Variants in ADGRB3 observed in about 807,000 individuals in gnomAD.
The protein encoded by ADGRB3 is adhesion G protein-coupled receptor B3, also known as brain-specific angiogenesis inhibitor 3.
Under a neutral mutation model 193.4 loss-of-function variants are expected in ADGRB3, and 37 were observed. The observed-to-expected ratio is 0.19, with a 90% CI of 0.15 to 0.25. The LOEUF (loss-of-function observed/expected upper bound fraction) is 0.25. ADGRB3 is among the 10% of genes least tolerant of loss of function. The pLI, the probability that ADGRB3 is intolerant of heterozygous loss-of-function variation, is 1.00. For missense variants in ADGRB3, 1,637 were observed against 1,852.9 expected, an observed-to-expected ratio of 0.88 and a Z score of 2.14; for synonymous variants, 690 against 644.2, an observed-to-expected ratio of 1.07 and a Z score of -1.08.
intron 17 of ADGRB3, among the ~76,000 whole-genome samples, chr6:69,217,455 A>T (rs1171278411): frequency 1.3e-5 from 2 of 152,236 alleles, no homozygotes; most frequent in African/African-American, 4.8e-5. Context: ...GGCCTTGAGC[A>T]TCTGCTTTTC....
At chr6:68,875,633 T>C (rs547006755) in intron 3 of ADGRB3, among the ~76,000 whole-genome samples, 41 of 152,198 alleles carry the variant, frequency 2.7e-4, no homozygotes, top group African/African-American at 9.6e-4. Flanking sequence ...TTATTGCCAT[T>C]TTAAGGATAA....
chr6:68,804,936 A>G (rs1190026490), intron 3 of ADGRB3, among the ~76,000 whole-genome samples: 2 of 150,768 alleles, frequency 1.3e-5, no homozygotes, highest in Non-Finnish European at 3.0e-5. Context: ...TTATTTATTT[A>G]TTTATTTTTT....
chr6:69,257,659 G>A (rs537052173), intron 20 of ADGRB3, among the ~76,000 whole-genome samples: 1 of 152,280 alleles, frequency 6.6e-6, no homozygotes, highest in Admixed American at 6.5e-5. Flanking sequence ...CATGGATGGG[G>A]AAAAAAGTTA....
chr6:68,901,944 T>C (rs772359293), intron 3 of ADGRB3, among the ~76,000 whole-genome samples: 2 of 152,276 alleles, frequency 1.3e-5, no homozygotes, highest in Admixed American at 6.5e-5. Context: ...AGTGGTGACA[T>C]TGGCAATATT....
intron 10 of ADGRB3, among the ~76,000 whole-genome samples, chr6:68,988,848 G>A (rs1769152847): frequency 6.6e-6 from 1 of 152,120 alleles, no homozygotes; most frequent in Admixed American, 6.6e-5. Flanking sequence ...TCTCAGGCCT[G>A]CAATGTGTCT....
At chr6:68,845,865 C>G (rs1313171584) in intron 3 of ADGRB3, among the ~76,000 whole-genome samples, 1 of 152,098 alleles carries the variant, frequency 6.6e-6, no homozygotes, top group Non-Finnish European at 1.5e-5. Context: ...AAAGATACCC[C>G]AAAATGTGGA....
chr6:69,240,337 A>G (rs1463061100), intron 20 of ADGRB3, among the ~76,000 whole-genome samples: 3 of 152,056 alleles, frequency 2.0e-5, no homozygotes, highest in Admixed American at 1.3e-4. Context: ...AAAAACAAAA[A>G]TGACAACCCC....
chr6:68,659,779 G>A (rs1415719206), intron 3 of ADGRB3, among the ~76,000 whole-genome samples: 1 of 150,974 alleles, frequency 6.6e-6, no homozygotes, highest in Non-Finnish European at 1.5e-5. Context: ...CCATTCTAGG[G>A]CAATTTACTT....
intron 6 of ADGRB3, among the ~76,000 whole-genome samples, chr6:68,946,995 C>T (rs568543854): frequency 6.6e-6 from 1 of 152,088 alleles, no homozygotes; most frequent in South Asian, 2.1e-4. Context: ...GAGAGAAAAC[C>T]ATTGCCTGGG....
chr6:68,850,367 A>C (rs1768373227), intron 3 of ADGRB3, among the ~76,000 whole-genome samples: 1 of 151,952 alleles, frequency 6.6e-6, no homozygotes, highest in Admixed American at 6.6e-5. Flanking sequence ...TTGAATGGTG[A>C]TAGAATTATT....
chr6:68,698,493 T>G (rs2585601), intron 3 of ADGRB3, among the ~76,000 whole-genome samples: 122,902 of 151,846 alleles, frequency 0.81, 50,028 homozygotes, highest in Middle Eastern at 0.93. Flanking sequence ...GCTTAATTTT[T>G]TCAGTTTATT....
At chr6:68,637,896 G>A (rs1767994025) in intron 2 of ADGRB3, among the ~76,000 whole-genome samples, 1 of 151,770 alleles carries the variant, frequency 6.6e-6, no homozygotes, top group Admixed American at 6.6e-5. Context: ...ACATTGAAAT[G>A]ACTGCCCTAA....
At chr6:69,174,843 G>T (rs762120520) in intron 17 of ADGRB3, among the ~76,000 whole-genome samples, 7 of 152,128 alleles carry the variant, frequency 4.6e-5, no homozygotes, top group Non-Finnish European at 1.0e-4. Context: ...TTGATTTGCA[G>T]CTCTCTGTTC....
rs369181614 is a variant in ADGRB3 at position 69,308,361 on chromosome 6, G to A, written c.2815-16511G>A. ...AAATCCACCACAGTTTACAAATATCGTTTATTGCTAAGTTAAGGGAGATAT... is the reference window on the plus strand; with the variant it reads ...AAATCCACCACAGTTTACAAATATCATTTATTGCTAAGTTAAGGGAGATAT... On this transcript the variant is annotated intron_variant, in intron 20 of 31. Coordinates refer to ENST00000370598, the MANE Select transcript of ADGRB3 (RefSeq NM_001704.3). Among the ~76,000 whole-genome samples, 11 of 151,376 alleles carry A rather than the reference G, an allele frequency of 7.3e-5. 1 individual carries two copies. In the South Asian group the frequency reaches 8.3e-4, roughly 11 times the overall value.
intron 30 of ADGRB3, among the ~76,000 whole-genome samples, chr6:69,382,575 T>G (rs1769971743): frequency 6.6e-6 from 1 of 151,938 alleles, no homozygotes; most frequent in African/African-American, 2.4e-5. Context: ...GACTGGTACA[T>G]TTTTAATGTA....
chr6:68,753,195 T>A lies in ADGRB3; in HGVS notation c.757+113763T>A, dbSNP rs1200472743. Among the ~76,000 whole-genome samples, 5 of 152,266 alleles carry A rather than the reference T, an allele frequency of 3.3e-5. No homozygotes were observed. In the East Asian group the frequency reaches 9.7e-4, roughly 29 times the overall value. ...AGAACAGAATTCATACACAAGAATA[T>A]CAATGAATCTGTAATACTTAACTTG... On this transcript the variant is annotated intron_variant, in intron 3 of 31. Coordinates refer to ENST00000370598, the MANE Select transcript of ADGRB3 (RefSeq NM_001704.3).
At chr6:69,201,952 C>A (rs1465836278) in intron 17 of ADGRB3, among the ~76,000 whole-genome samples, 1 of 152,086 alleles carries the variant, frequency 6.6e-6, no homozygotes, top group Non-Finnish European at 1.5e-5. Flanking sequence ...ACTCAGACAT[C>A]TTATCCAGGA....
intron 3 of ADGRB3, among the ~76,000 whole-genome samples, chr6:68,696,884 T>C (rs1765167710): frequency 6.6e-6 from 1 of 152,056 alleles, no homozygotes; most frequent in East Asian, 1.9e-4. Context: ...TTGATTAATT[T>C]AAAAACCTTT....
intron 3 of ADGRB3, among the ~76,000 whole-genome samples, chr6:68,738,557 A>G (rs992541392): frequency 1.3e-5 from 2 of 152,146 alleles, no homozygotes; most frequent in African/African-American, 4.8e-5. Context: ...TCGTGAAGAT[A>G]ATGAGAAATT....
Sources: gnomAD v4.1 joint callset for allele counts (sites outside exome capture counted in the v4.1 genomes callset) on GRCh38, gnomAD v4.1.1 for gene constraint, MANE v1.5 for transcripts, NCBI Gene and HGNC (gene_info 2026-07-23, HGNC 2026-07-21) for gene names.